OXSR1: variants seen among roughly 807,000 people sequenced by gnomAD.
OXSR1 encodes oxidative stress responsive kinase 1.
Under a neutral mutation model 79.8 loss-of-function variants are expected in OXSR1, and 24 were observed. The ratio of observed to expected loss-of-function variants is 0.30; its 90% CI spans 0.22 to 0.42. The LOEUF is 0.42. Among genes scored for constraint, OXSR1 ranks in the 10% least tolerant of loss-of-function variants. The pLI is 1.00. For synonymous variants in OXSR1, 226 were observed against 209.2 expected (o/e 1.08, Z -0.69); for missense variants, 430 against 618.4 (o/e 0.70, Z 3.23).
intron 1 of OXSR1, among the ~76,000 whole-genome samples, chr3:38,178,620 A>ATATTTTT (rs1265646743): frequency 2.1e-5 from 2 of 95,106 alleles, no homozygotes; most frequent in African/African-American, 4.4e-5. Flanking sequence ...ATATATATAT[A>ATATTTTT]TTTTTTTTTT....
At chr3:38,165,261 TC>T (rs1444754831), upstream of OXSR1, 1 of 152,502 alleles carries the variant, frequency 6.6e-6, no homozygotes, top group African/African-American at 2.4e-5. Context: ...CTCTGCCCCT[TC>T]TACTTTGCTG....
At chr3:38,229,139 T>G (rs1290431512) in intron 8 of OXSR1, among the ~76,000 whole-genome samples, 1 of 152,190 alleles carries the variant, frequency 6.6e-6, no homozygotes, top group Non-Finnish European at 1.5e-5. Flanking sequence ...CTGAGTTTTG[T>G]TAAATTTGGG....
At chr3:38,234,242 T>C (rs1262950605) in intron 10 of OXSR1, among the ~76,000 whole-genome samples, 1 of 152,156 alleles carries the variant, frequency 6.6e-6, no homozygotes, top group Non-Finnish European at 1.5e-5. Context: ...AAGGAAAAAG[T>C]AGGTAAATTG....
At chr3:38,185,845 T>G (rs913273755) in intron 2 of OXSR1, among the ~76,000 whole-genome samples, 10 of 146,798 alleles carry the variant, frequency 6.8e-5, no homozygotes, top group African/African-American at 2.3e-4. Flanking sequence ...CTTGGGAGGC[T>G]GAGGTGGCAA....
intron 4 of OXSR1, among the ~76,000 whole-genome samples, chr3:38,205,075 G>T (rs1412203724): frequency 6.6e-6 from 1 of 152,120 alleles, no homozygotes; most frequent in African/African-American, 2.4e-5. Context: ...GCCTGGTGTT[G>T]CGTTCTGCTG....
At chr3:38,197,304 T>TCA (rs1559508219) in intron 3 of OXSR1, among the ~76,000 whole-genome samples, 1 of 152,202 alleles carries the variant, frequency 6.6e-6, no homozygotes, top group East Asian at 1.9e-4. Context: ...AGGTGAAGAG[T>TCA]TAGTAGGCAA....
chr3:38,197,205 A>G (rs1702086043), intron 3 of OXSR1, among the ~76,000 whole-genome samples: 1 of 152,222 alleles, frequency 6.6e-6, no homozygotes, highest in Non-Finnish European at 1.5e-5. Flanking sequence ...CAGTGTAATA[A>G]TGTGTTAGGA....
At chr3:38,245,367 C>T (rs893280767) in intron 12 of OXSR1, among the ~76,000 whole-genome samples, 2 of 152,064 alleles carry the variant, frequency 1.3e-5, no homozygotes, top group Admixed American at 6.6e-5. Context: ...TTCAGACATA[C>T]AAAATAACAT....
intron 7 of OXSR1, among the ~76,000 whole-genome samples, 161 bp from the exon 8 acceptor site, chr3:38,224,410 G>C (rs1702647547): frequency 6.6e-6 from 1 of 152,178 alleles, no homozygotes; most frequent in African/African-American, 2.4e-5. Flanking sequence ...TGAAATACAC[G>C]TAATAACTCT....
chr3:38,221,551 A>G (rs752133151), intron 5 of OXSR1, 27 bp from the exon 6 acceptor site: 1 of 1,250,856 alleles, frequency 8.0e-7, no homozygotes, highest in Non-Finnish European at 1.2e-6. Context: ...TGCACTTTAA[A>G]TACCTTGCTG....
chr3:38,220,629 T>A (rs1702570303), intron 5 of OXSR1, among the ~76,000 whole-genome samples: 1 of 152,206 alleles, frequency 6.6e-6, no homozygotes, highest in Non-Finnish European at 1.5e-5. Context: ...ATAAAACAAA[T>A]CTAGCCTCAG....
intron 9 of OXSR1, 58 bp downstream of exon 9, chr3:38,229,793 A>C (rs1702768191): frequency 7.7e-7 from 1 of 1,290,772 alleles, no homozygotes; most frequent in East Asian, 2.3e-5. Context: ...AATTACTCAG[A>C]TTATGTTCAG....
chr3:38,164,843 CGTTAGAG>C (rs1701400033), upstream of OXSR1, among the ~76,000 whole-genome samples: 1 of 152,158 alleles, frequency 6.6e-6, no homozygotes, highest in Non-Finnish European at 1.5e-5. Context: ...CCGCGACAAG[CGTTAGAG>C]AGAACGTCCG....
chr3:38,247,110 A>G (rs1362610475), intron 13 of OXSR1, among the ~76,000 whole-genome samples: 5 of 152,070 alleles, frequency 3.3e-5, no homozygotes, highest in Non-Finnish European at 7.4e-5. Flanking sequence ...CATATGGGAA[A>G]AGATACAGTT....
rs1702634384 is a variant in OXSR1 at position 38,223,701 on chromosome 3, C to T, written c.601-111C>T. The T allele has an allele frequency of 6.6e-6, 4 of 607,262 alleles. No homozygotes were observed. In the Middle Eastern group the frequency reaches 8.4e-4, roughly 127 times the overall value. 37.6% of individuals were successfully genotyped at this position (607,262 alleles called of 1,614,324 possible). A position where few individuals can be genotyped will look rare whatever the true frequency, so the allele number is the denominator to read the frequency against. Reference sequence around the variant, plus strand: ...CCAACCTCAGGTGATTCGCCTGCCTCAGCCTCCCAAAGTGCTGGGATTACA... The same window carrying T: ...CCAACCTCAGGTGATTCGCCTGCCTTAGCCTCCCAAAGTGCTGGGATTACA... On this transcript the variant is annotated intron_variant, in intron 6 of 17. Coordinates refer to ENST00000311806, the MANE Select transcript of OXSR1 (RefSeq NM_005109.3).
At chr3:38,251,870 C>A (rs975532676) in intron 16 of OXSR1, among the ~76,000 whole-genome samples, 1 of 152,196 alleles carries the variant, frequency 6.6e-6, no homozygotes, top group African/African-American at 2.4e-5. Context: ...GGCCACAGGT[C>A]CATGTTACTG....
rs927388251 is a variant in OXSR1 at position 38,165,651 on chromosome 3, C to T, written c.-226C>T. 9 of 522,842 alleles carry T rather than the reference C, an allele frequency of 1.7e-5. No homozygotes were observed. The highest frequency in any genetic ancestry group is 2.4e-5 in the Non-Finnish European group (7 of 297,212). 32.4% of individuals were successfully genotyped at this position (522,842 alleles called of 1,614,324 possible). A position where few individuals can be genotyped will look rare whatever the true frequency, so the allele number is the denominator to read the frequency against. On this transcript the variant is annotated 5_prime_UTR_variant, in exon 1 of 18. Transcript: ENST00000311806. ...AGGACGTGGGCTGGGCCGGGCAGTG[C>T]CGGACTCGGAGGAGCAGGAGGCGAG...
At chr3:38,172,302 G>A (rs1458503701) in intron 1 of OXSR1, among the ~76,000 whole-genome samples, 1 of 152,016 alleles carries the variant, frequency 6.6e-6, no homozygotes, top group Non-Finnish European at 1.5e-5. Flanking sequence ...TGGATTTAGG[G>A]ATTTATGTTG....
intron 4 of OXSR1, among the ~76,000 whole-genome samples, chr3:38,202,799 C>A (rs1702187689): frequency 1.3e-5 from 2 of 152,140 alleles, no homozygotes; most frequent in African/African-American, 2.4e-5. Context: ...GAGAAGTGAC[C>A]TAGAAGGCAA....
Sources: allele counts gnomAD v4.1 joint callset (sites outside exome capture counted in the v4.1 genomes callset), GRCh38; gene constraint gnomAD v4.1.1; transcripts MANE v1.5; gene names NCBI Gene and HGNC (gene_info 2026-07-23, HGNC 2026-07-21).